ANKS1B: variants seen among roughly 807,000 people sequenced by gnomAD.
ANKS1B encodes the protein ankyrin repeat and sterile alpha motif domain containing 1B.
A neutral mutation model predicts 148.3 loss-of-function variants in ANKS1B; 36 were observed. That is an observed-to-expected ratio of 0.24 (90% CI 0.19 to 0.32). The LOEUF (loss-of-function observed/expected upper bound fraction) is 0.32, where lower values mean the gene tolerates loss of function less well. ANKS1B is among the 10% of genes least tolerant of loss of function. The pLI, the probability that ANKS1B is intolerant of heterozygous loss-of-function variation, is 1.00. For missense variants in ANKS1B, 1,157 were observed against 1,542.6 expected (o/e 0.75, Z 4.19); for synonymous variants, 542 against 560.8 (o/e 0.97, Z 0.47).
intron 22 of ANKS1B, among the ~76,000 whole-genome samples, chr12:98,790,210 G>T (rs1304297464): frequency 1.3e-5 from 2 of 152,158 alleles, no homozygotes; most frequent in Non-Finnish European, 2.9e-5. Context: ...TAGCCATCTT[G>T]AGCTTATGAA....
At position 99,200,748 on chromosome 12, in the gene ANKS1B, A is replaced by C. The variant is rs76295835; in HGVS notation, c.2419+43594T>G. ...AAAGAACCAATTTTACTATAAGACAATGAAGATTCTAGGCAGTTCTTAGAA... is the reference window on the plus strand; with the variant it reads ...AAAGAACCAATTTTACTATAAGACACTGAAGATTCTAGGCAGTTCTTAGAA... On this transcript the variant is annotated intron_variant, in intron 14 of 26. Coordinates refer to ENST00000683438, the MANE Select transcript of ANKS1B (RefSeq NM_001352186.2). Among the ~76,000 whole-genome samples, 1,318 of 152,296 alleles carry C rather than the reference A, an allele frequency of 8.7e-3. 23 individuals are homozygous for C. Among genetic ancestry groups the C allele is most frequent in the African/African-American group, 0.03 (1,264 of 41,558 alleles).
At chr12:99,020,390 G>C (rs1030607821) in intron 17 of ANKS1B, among the ~76,000 whole-genome samples, 1 of 151,962 alleles carries the variant, frequency 6.6e-6, no homozygotes, top group Non-Finnish European at 1.5e-5. Flanking sequence ...TAACATAAAA[G>C]TATTTTATCT....
intron 8 of ANKS1B, among the ~76,000 whole-genome samples, chr12:99,683,977 T>A (rs1209296881): frequency 1.3e-5 from 2 of 151,992 alleles, no homozygotes; most frequent in Non-Finnish European, 2.9e-5. Context: ...ATAAAATCCA[T>A]CTAAGACAAA....
intron 17 of ANKS1B, chr12:98,976,503 A>G (rs749860342): frequency 1.3e-5 from 2 of 152,224 alleles, no homozygotes; most frequent in Non-Finnish European, 2.9e-5. Context: ...AGGAGAACGT[A>G]CAAAATAGAC....
At chr12:98,807,001 T>C (rs2099055543) in intron 20 of ANKS1B, among the ~76,000 whole-genome samples, 1 of 152,138 alleles carries the variant, frequency 6.6e-6, no homozygotes, top group South Asian at 2.1e-4. Context: ...TGGCATCCCT[T>C]CACATGCCGC....
At chr12:99,154,801 C>T in intron 14 of ANKS1B, 2 of 1,491,702 alleles carry the variant, frequency 1.3e-6, no homozygotes, top group Non-Finnish European at 1.8e-6. Flanking sequence ...TTATCAAGTA[C>T]TCCTACACTC....
intron 9 of ANKS1B, among the ~76,000 whole-genome samples, chr12:99,522,025 T>C (rs1262083414): frequency 6.6e-6 from 1 of 152,108 alleles, no homozygotes; most frequent in Non-Finnish European, 1.5e-5. Context: ...GAAGCAGAGA[T>C]TGGAGTCGAA....
intron 1 of ANKS1B, among the ~76,000 whole-genome samples, chr12:99,882,705 G>C (rs1202677147): frequency 6.6e-6 from 1 of 152,160 alleles, no homozygotes; most frequent in Non-Finnish European, 1.5e-5. Flanking sequence ...TACACTGCTT[G>C]GGTGATGGGT....
At chr12:99,365,216 A>G (rs908521878) in intron 12 of ANKS1B, among the ~76,000 whole-genome samples, 1 of 152,182 alleles carries the variant, frequency 6.6e-6, no homozygotes, top group African/African-American at 2.4e-5. Context: ...ACATGGGCAG[A>G]CACACACCAG....
At chr12:99,264,999 A>G (rs1358698866) in intron 12 of ANKS1B, among the ~76,000 whole-genome samples, 1 of 152,198 alleles carries the variant, frequency 6.6e-6, no homozygotes, top group Non-Finnish European at 1.5e-5. Context: ...AATGTTCTAT[A>G]TCTGTGCTGG....
intron 1 of ANKS1B, among the ~76,000 whole-genome samples, chr12:99,883,199 A>G (rs528727335): frequency 7.9e-5 from 12 of 152,332 alleles, no homozygotes; most frequent in African/African-American, 2.9e-4. Flanking sequence ...TGAGATTTTC[A>G]ATGTGCAAAC....
At chr12:98,918,551 C>A (rs530513180) in intron 17 of ANKS1B, among the ~76,000 whole-genome samples, 1 of 152,182 alleles carries the variant, frequency 6.6e-6, no homozygotes. Flanking sequence ...TGATGAATAT[C>A]ATTGCACATC....
In ANKS1B at chr12:98,801,190, C is replaced by G. The variant is rs1172255246; in HGVS notation, c.3142-65G>C. The G allele has an allele frequency of 2.2e-5, 34 of 1,554,418 alleles. No homozygotes were observed. The highest frequency in any genetic ancestry group is 3.6e-5 in the Admixed American group (2 of 55,384). On this transcript the variant is annotated intron_variant, in intron 20 of 26. Coordinates refer to ENST00000683438, the MANE Select transcript of ANKS1B (RefSeq NM_001352186.2). This position sits in a 1 kb window ranked among gnomAD's most constrained non-coding sequence, Gnocchi z 5.2. ...AGCAAAGTTCATTCCCTGTAGCTAC[C>G]CTGAGCTCACCTTACACACAGGTGC...
intron 8 of ANKS1B, among the ~76,000 whole-genome samples, chr12:99,764,832 C>T (rs893541005): frequency 5.9e-5 from 9 of 152,236 alleles, no homozygotes; most frequent in African/African-American, 1.9e-4. Flanking sequence ...CTGAGTTAAA[C>T]GTTTCTATTT....
At position 98,848,385 on chromosome 12, in the gene ANKS1B, T is replaced by G. The variant is rs140752235; in HGVS notation, c.2779-16249A>C. Among the ~76,000 whole-genome samples, 19 of 152,290 alleles carry G rather than the reference T, an allele frequency of 1.2e-4. No individual in the cohort carries two copies. In the East Asian group the frequency reaches 3.1e-3, roughly 25 times the overall value. On this transcript the variant is annotated intron_variant, in intron 17 of 26. Coordinates refer to ENST00000683438, the MANE Select transcript of ANKS1B (RefSeq NM_001352186.2). ...GTGGCATGTCATTAATTAATAAACA[T>G]AATATTATTCACATAGTGGGCCCTT... is the stretch of plus-strand genomic sequence containing the variant.
At chr12:99,800,960 C>T (rs1215010323) in intron 4 of ANKS1B, among the ~76,000 whole-genome samples, 1 of 152,014 alleles carries the variant, frequency 6.6e-6, no homozygotes, top group East Asian at 1.9e-4. Context: ...CACTCCGATG[C>T]TTAGAGATCA....
At chr12:99,262,768 A>G (rs1287316289) in intron 12 of ANKS1B, among the ~76,000 whole-genome samples, 2 of 152,128 alleles carry the variant, frequency 1.3e-5, no homozygotes, top group East Asian at 3.9e-4. Flanking sequence ...GTTTATTTGT[A>G]TCATATCAAT....
At chr12:99,771,776 A>G (rs1480821402) in intron 8 of ANKS1B, among the ~76,000 whole-genome samples, 1 of 152,120 alleles carries the variant, frequency 6.6e-6, no homozygotes, top group African/African-American at 2.4e-5. Flanking sequence ...CACAAAAACA[A>G]AATGAAACAA....
At chr12:99,480,248 CT>C (rs2096389425) in intron 10 of ANKS1B, among the ~76,000 whole-genome samples, 1 of 151,882 alleles carries the variant, frequency 6.6e-6, no homozygotes, top group East Asian at 1.9e-4. Flanking sequence ...CACTAATAAG[CT>C]CTTCCTTTCC....
Sources: allele counts gnomAD v4.1 joint callset (sites outside exome capture counted in the v4.1 genomes callset), GRCh38; gene constraint gnomAD v4.1.1; non-coding constraint Gnocchi (gnomAD v3.1); transcripts MANE v1.5; gene names NCBI Gene and HGNC (gene_info 2026-07-23, HGNC 2026-07-21).